Variants in TEX9 observed in about 807,000 individuals in gnomAD.
TEX9 encodes testis-expressed protein 9.
Under a neutral mutation model 59.6 loss-of-function variants are expected in TEX9, and 74 were observed. The observed-to-expected ratio is 1.24, with a 90% CI of 1.03 to 1.51. TEX9 has a LOEUF of 1.51. TEX9 is among the 40% of genes most tolerant of loss of function. The pLI, the probability that TEX9 is intolerant of heterozygous loss-of-function variation, is 0.00. For missense variants in TEX9, 522 were observed against 447.8 expected, an observed-to-expected ratio of 1.17 and a Z score of -1.49; for synonymous variants, 186 against 152.2, an observed-to-expected ratio of 1.22 and a Z score of -1.64.
At chr15:56,250,761 G>C (rs377613026) in intron 1 of TEX9, among the ~76,000 whole-genome samples, 1 of 144,820 alleles carries the variant, frequency 6.9e-6, no homozygotes, top group South Asian at 2.2e-4. Context: ...CTTCCTTAGG[G>C]AAAAAAAAAA....
At chr15:56,354,405 G>A (rs1176546508) in intron 1 of TEX9, among the ~76,000 whole-genome samples, 1 of 152,134 alleles carries the variant, frequency 6.6e-6, no homozygotes, top group Non-Finnish European at 1.5e-5. Context: ...GGTTTCTAGA[G>A]CCCTTTAATT....
intron 12 of TEX9, among the ~76,000 whole-genome samples, chr15:56,441,736 C>T (rs1289978988): frequency 6.6e-6 from 1 of 152,136 alleles, no homozygotes; most frequent in African/African-American, 2.4e-5. Flanking sequence ...ATAGACTGGC[C>T]AGGCACGGTG....
At chr15:56,428,509 G>T in intron 12 of TEX9, 1 of 1,118,710 alleles carries the variant, frequency 8.9e-7, no homozygotes, top group Non-Finnish European at 1.3e-6. Flanking sequence ...TATTGTAGTG[G>T]TTTGAATTAT....
At chr15:56,273,301 C>A (rs1373432191) in intron 1 of TEX9, among the ~76,000 whole-genome samples, 1 of 152,028 alleles carries the variant, frequency 6.6e-6, no homozygotes, top group Non-Finnish European at 1.5e-5. Context: ...ACTTATACTT[C>A]TTTTTAACTT....
intron 1 of TEX9, among the ~76,000 whole-genome samples, chr15:56,271,923 G>A (rs949170219): frequency 1.3e-4 from 20 of 152,154 alleles, no homozygotes; most frequent in African/African-American, 3.6e-4. Context: ...GGCAGATCAC[G>A]AGGTCAGGAG....
intron 1 of TEX9, among the ~76,000 whole-genome samples, chr15:56,297,051 A>T (rs1596071948): frequency 6.6e-6 from 1 of 152,184 alleles, no homozygotes; most frequent in Admixed American, 6.5e-5. Context: ...AACAAAAGAA[A>T]TACAGGAAAC....
chr15:56,361,524 T>G (rs1464162503), upstream of TEX9, among the ~76,000 whole-genome samples: 1 of 152,186 alleles, frequency 6.6e-6, no homozygotes, highest in Non-Finnish European at 1.5e-5. Context: ...GTTATTGATT[T>G]TTAGTTTAGT....
At chr15:56,434,321 T>C (rs774827635) in intron 12 of TEX9, 45 of 1,613,714 alleles carry the variant, frequency 2.8e-5, no homozygotes, top group Non-Finnish European at 3.5e-5. Context: ...GTAGCACTAA[T>C]TCCTTCAAGG....
chr15:56,286,252 A>G (rs1389103127), intron 1 of TEX9, among the ~76,000 whole-genome samples: 1 of 152,208 alleles, frequency 6.6e-6, no homozygotes, highest in Non-Finnish European at 1.5e-5. Flanking sequence ...AGGGGAAGTT[A>G]AAAGAAAGGG....
intron 1 of TEX9, among the ~76,000 whole-genome samples, chr15:56,274,990 C>T (rs1172441892): frequency 5.3e-5 from 8 of 152,170 alleles, no homozygotes; most frequent in African/African-American, 1.9e-4. Context: ...ATCTTACTTG[C>T]CAACAGCAAA....
intron 12 of TEX9, among the ~76,000 whole-genome samples, chr15:56,432,004 G>T (rs1165881367): frequency 6.6e-6 from 1 of 152,102 alleles, no homozygotes; most frequent in Non-Finnish European, 1.5e-5. Flanking sequence ...GGGCCATATA[G>T]AAAAGATGAC....
chr15:56,395,290 C>T (rs1161511876), intron 9 of TEX9: 2 of 159,252 alleles, frequency 1.3e-5, no homozygotes, highest in African/African-American at 4.8e-5. Flanking sequence ...CATGTTGCAG[C>T]CCCTATCAGT....
chr15:56,285,544 T>C (rs2044933168), intron 1 of TEX9, among the ~76,000 whole-genome samples: 1 of 152,226 alleles, frequency 6.6e-6, no homozygotes, highest in Non-Finnish European at 1.5e-5. Context: ...TTTACAGGAA[T>C]GACAGAGCCT....
intron 1 of TEX9, among the ~76,000 whole-genome samples, chr15:56,284,003 T>G (rs1375267119): frequency 6.6e-6 from 1 of 152,212 alleles, no homozygotes; most frequent in Non-Finnish European, 1.5e-5. Context: ...AAACAGATTT[T>G]TAACAATCGA....
chr15:56,430,300 A>G lies in TEX9; in HGVS notation c.*29+1827A>G, dbSNP rs560265047. Among the ~76,000 whole-genome samples, 5 of 152,268 alleles carry G rather than the reference A, an allele frequency of 3.3e-5. No individual in the cohort carries two copies. In the East Asian group the frequency reaches 9.6e-4, roughly 29 times the overall value. ...TGGGTCACTGCAGCTTCAACTTTCC[A>G]GGCTCAAGCAATCTTCCAACCTCAG... On this transcript the variant is annotated intron_variant, in intron 12 of 12. Coordinates refer to ENST00000352903, the Ensembl canonical transcript of TEX9.
chr15:56,356,656 T>C (rs143598782), intron 1 of TEX9, among the ~76,000 whole-genome samples: 134 of 152,264 alleles, frequency 8.8e-4, no homozygotes, highest in African/African-American at 3.0e-3. Flanking sequence ...TGATCACTTT[T>C]AAGATACAGT....
intron 1 of TEX9, among the ~76,000 whole-genome samples, chr15:56,352,878 C>T (rs2046611327): frequency 6.6e-6 from 1 of 152,172 alleles, no homozygotes; most frequent in South Asian, 2.1e-4. Context: ...TAGTTTCATA[C>T]TATATGAGAG....
At chr15:56,423,878 G>C (rs1186995440) in intron 10 of TEX9, among the ~76,000 whole-genome samples, 1 of 152,106 alleles carries the variant, frequency 6.6e-6, no homozygotes, top group East Asian at 1.9e-4. Flanking sequence ...CACCCGAGCA[G>C]TCTATACTGA....
chr15:56,427,788 A>G, intron 11 of TEX9, 49 bp downstream of exon 11: 1 of 1,378,294 alleles, frequency 7.3e-7, no homozygotes, highest in Non-Finnish European at 9.5e-7. Flanking sequence ...TAACTTTCTT[A>G]CTAAAAAATT....
Sources: allele counts gnomAD v4.1 joint callset (sites outside exome capture counted in the v4.1 genomes callset), GRCh38; gene constraint gnomAD v4.1.1; transcripts MANE v1.5; gene names NCBI Gene and HGNC (gene_info 2026-07-23, HGNC 2026-07-21).